The following PLSCR2 variants were observed in gnomAD, a reference collection of about 807,000 sequenced individuals.
PLSCR2 encodes the protein phospholipid scramblase 2.
A neutral mutation model predicts 25.3 loss-of-function variants in PLSCR2; 18 were observed. That is an observed-to-expected ratio of 0.71 (90% CI 0.49 to 1.06). The LOEUF (loss-of-function observed/expected upper bound fraction) is 1.06, where lower values mean the gene tolerates loss of function less well. Among genes scored for constraint, PLSCR2 ranks in the 50% least tolerant of loss-of-function variants. The pLI is 0.00. For synonymous variants in PLSCR2, 88 were observed against 87.3 expected, an observed-to-expected ratio of 1.01 and a Z score of -0.04; for missense variants, 243 against 269.5, an observed-to-expected ratio of 0.90 and a Z score of 0.69.
At chr3:146,454,963 T>A (rs73152982) in intron 4 of PLSCR2, among the ~76,000 whole-genome samples, 5,372 of 152,218 alleles carry the variant, frequency 0.035, 125 homozygotes, top group Middle Eastern at 0.092. Flanking sequence ...AAAAAATGAT[T>A]TGAAAAAGGT....
chr3:146,457,649 C>A (rs770692286), intron 3 of PLSCR2, among the ~76,000 whole-genome samples: 30 of 152,300 alleles, frequency 2.0e-4, no homozygotes, highest in Non-Finnish European at 3.5e-4. Flanking sequence ...CATCCAAATT[C>A]AAAAAGTTTA....
At chr3:146,395,153 C>T (rs2038230480) in intron 3 of PLSCR2, among the ~76,000 whole-genome samples, 1 of 151,928 alleles carries the variant, frequency 6.6e-6, no homozygotes, top group Admixed American at 6.6e-5. Flanking sequence ...AGGAACATAA[C>T]CTTAGAGGGA....
intron 4 of PLSCR2, 93 bp from the exon 5 acceptor site, chr3:146,454,256 G>C: frequency 1.1e-6 from 1 of 874,882 alleles, no homozygotes; most frequent in Middle Eastern, 3.4e-4. Context: ...CTAAGTGCCA[G>C]ACATTGTAAG....
exon 6 of PLSCR2, chr3:146,449,262 G>T (rs566667604): frequency 2.5e-6 from 4 of 1,612,828 alleles, no homozygotes; most frequent in Non-Finnish European, 3.4e-6. Context: ...AGGTCTCTAG[G>T]GAATTGGATT....
At chr3:146,472,456 C>T (rs1242289407) in intron 1 of PLSCR2, among the ~76,000 whole-genome samples, 3 of 152,246 alleles carry the variant, frequency 2.0e-5, no homozygotes, top group South Asian at 2.1e-4. Flanking sequence ...AAAGTTATTT[C>T]TCATAGTCCT....
chr3:146,394,445 T>G (rs938913026), intron 3 of PLSCR2, among the ~76,000 whole-genome samples: 4 of 152,080 alleles, frequency 2.6e-5, no homozygotes, highest in Non-Finnish European at 5.9e-5. Flanking sequence ...TTTGTATTTT[T>G]AGTAGAGACG....
In PLSCR2 at chr3:146,488,016, A is replaced by G. The variant is rs140760662; in HGVS notation, c.-293+7879T>C. ...ATGGAATAGAGATCTCAGAAATAAGACCAGACATCTACAACCATCTGATCT... is the reference window on the plus strand; with the variant it reads ...ATGGAATAGAGATCTCAGAAATAAGGCCAGACATCTACAACCATCTGATCT... On this transcript the variant is annotated intron_variant, in intron 1 of 8. Coordinates refer to the PLSCR2 transcript ENST00000336685. 5.3e-5 allele frequency among the ~76,000 whole-genome samples: 8 copies of G among 152,216 alleles called. No individual in the cohort carries two copies. In the East Asian group the frequency reaches 1.5e-3, roughly 29 times the overall value.
intron 1 of PLSCR2, among the ~76,000 whole-genome samples, chr3:146,493,494 T>C (rs1219312447): frequency 2.0e-5 from 3 of 152,140 alleles, no homozygotes; most frequent in African/African-American, 4.8e-5. Context: ...ATTCACGAAA[T>C]GTGATTCATC....
intron 6 of PLSCR2, among the ~76,000 whole-genome samples, chr3:146,444,218 A>G (rs937062094): frequency 6.6e-6 from 1 of 152,096 alleles, no homozygotes; most frequent in Non-Finnish European, 1.5e-5. Context: ...TATGCTAATG[A>G]GATGAATGTG....
intron 2 of PLSCR2, chr3:146,398,761 A>G (rs1034300736): frequency 6.6e-6 from 1 of 152,168 alleles, no homozygotes; most frequent in Non-Finnish European, 1.5e-5. Flanking sequence ...TTTGGCAAGA[A>G]TGGGTGAAAG....
intron 2 of PLSCR2, among the ~76,000 whole-genome samples, chr3:146,423,110 G>C (rs2039205708): frequency 6.6e-6 from 1 of 151,966 alleles, no homozygotes; most frequent in Non-Finnish European, 1.5e-5. Context: ...ATTCAGCTGT[G>C]ACTGAGACCT....
At chr3:146,449,518 G>A in intron 5 of PLSCR2, 151 bp from the exon 6 acceptor site, 1 of 485,638 alleles carries the variant, frequency 2.1e-6, no homozygotes, top group Non-Finnish European at 3.6e-6. Context: ...GATGCATATA[G>A]GCTCCTGTAT....
At chr3:146,468,547 C>T (rs1162540121) in intron 1 of PLSCR2, among the ~76,000 whole-genome samples, 2 of 152,044 alleles carry the variant, frequency 1.3e-5, no homozygotes, top group African/African-American at 2.4e-5. Context: ...AAATAATAAA[C>T]GCTAACTTTC....
rs764228822 is a variant in PLSCR2 at position 146,449,386 on chromosome 3, A to C, written c.484-19T>G. ...ATGTAATCTAAATTGCAAAAAAAAAAAAAACTTAAAAATTTCTAGAAAACT... is the reference window on the plus strand; with the variant it reads ...ATGTAATCTAAATTGCAAAAAAAAACAAAACTTAAAAATTTCTAGAAAACT... On this transcript the variant is annotated intron_variant, in intron 5 of 6. Transcript: ENST00000610787. 2 of 1,543,350 alleles carry C rather than the reference A, an allele frequency of 1.3e-6. No individual in the cohort carries two copies. The highest frequency in any genetic ancestry group is 1.7e-6 in the Non-Finnish European group (2 of 1,144,994).
chr3:146,462,843 G>A (rs2041677803), upstream of PLSCR2, among the ~76,000 whole-genome samples: 1 of 152,168 alleles, frequency 6.6e-6, no homozygotes. Flanking sequence ...TGCGAGCTAA[G>A]ACCCCAAAGG....
intron 5 of PLSCR2, among the ~76,000 whole-genome samples, chr3:146,450,116 A>G (rs983920032): frequency 2.0e-5 from 3 of 152,250 alleles, no homozygotes; most frequent in Non-Finnish European, 4.4e-5. Flanking sequence ...TGCTCAGACA[A>G]AAACACCTCA....
intron 2 of PLSCR2, among the ~76,000 whole-genome samples, chr3:146,416,299 T>C (rs1448883256): frequency 1.3e-5 from 2 of 152,126 alleles, no homozygotes; most frequent in Non-Finnish European, 2.9e-5. Context: ...TAAATTTGTA[T>C]GTAACAATAT....
intron 2 of PLSCR2, among the ~76,000 whole-genome samples, chr3:146,409,769 A>T (rs1317176312): frequency 6.6e-6 from 1 of 151,908 alleles, no homozygotes; most frequent in Non-Finnish European, 1.5e-5. Flanking sequence ...TCCTATTTTT[A>T]TTATTATTAT....
At chr3:146,443,108 G>A (rs1308164264) in intron 6 of PLSCR2, among the ~76,000 whole-genome samples, 1 of 151,932 alleles carries the variant, frequency 6.6e-6, no homozygotes, top group Admixed American at 6.6e-5. Flanking sequence ...TTGCTTCTCT[G>A]TGATAAATCC....
Sources: allele counts gnomAD v4.1 joint callset (sites outside exome capture counted in the v4.1 genomes callset), GRCh38; gene constraint gnomAD v4.1.1; transcripts MANE v1.5; gene names NCBI Gene and HGNC (gene_info 2026-07-23, HGNC 2026-07-21).